The following LPAR3 variants were observed in gnomAD, a reference collection of about 807,000 sequenced individuals.
LPAR3 encodes LPA receptor 3.
In LPAR3, 7 loss-of-function variants were observed where a neutral mutation model predicts 17.8. The observed-to-expected ratio is 0.39, with a 90% CI of 0.22 to 0.74. The LOEUF (loss-of-function observed/expected upper bound fraction) is 0.74, where lower values mean the gene tolerates loss of function less well. LPAR3 is among the 30% of genes least tolerant of loss of function. LPAR3 has a pLI of 0.40. For missense variants in LPAR3, 391 were observed against 453.4 expected, an observed-to-expected ratio of 0.86 and a Z score of 1.25; for synonymous variants, 179 against 179.9, an observed-to-expected ratio of 0.99 and a Z score of 0.04.
chr1:84,836,799 A>G (rs1449536872), intron 2 of LPAR3, among the ~76,000 whole-genome samples: 2 of 152,212 alleles, frequency 1.3e-5, no homozygotes, highest in African/African-American at 4.8e-5. Flanking sequence ...ATTAGCAAAT[A>G]ATATAATGAA....
At chr1:84,839,231 C>T (rs1232355949) in intron 2 of LPAR3, among the ~76,000 whole-genome samples, 2 of 152,240 alleles carry the variant, frequency 1.3e-5, no homozygotes, top group East Asian at 1.9e-4. Flanking sequence ...CCCAGAACTC[C>T]CAGTGTTTAT....
intron 1 of LPAR3, among the ~76,000 whole-genome samples, chr1:84,891,147 AG>A (rs767893234): frequency 2.8e-5 from 4 of 143,552 alleles, no homozygotes; most frequent in Non-Finnish European, 3.0e-5. Context: ...TATCTAAAAT[AG>A]GTCTGATCTG....
At chr1:84,818,168 T>C (rs1658978209) in intron 2 of LPAR3, among the ~76,000 whole-genome samples, 2 of 152,220 alleles carry the variant, frequency 1.3e-5, no homozygotes, top group Non-Finnish European at 2.9e-5. Flanking sequence ...ATGGATTAAT[T>C]CATATACAAT....
intron 1 of LPAR3, among the ~76,000 whole-genome samples, chr1:84,873,459 C>A (rs1660195388): frequency 6.6e-6 from 1 of 152,160 alleles, no homozygotes; most frequent in Non-Finnish European, 1.5e-5. Flanking sequence ...AAGCCCCTGT[C>A]TTTCATAAGC....
intron 1 of LPAR3, among the ~76,000 whole-genome samples, chr1:84,873,034 A>C (rs1256035512): frequency 6.6e-6 from 1 of 152,166 alleles, no homozygotes; most frequent in Admixed American, 6.6e-5. Flanking sequence ...AACATTTCTG[A>C]CCAGTACTCC....
At chr1:84,867,731 C>A (rs1182391444) in intron 1 of LPAR3, among the ~76,000 whole-genome samples, 1 of 151,718 alleles carries the variant, frequency 6.6e-6, no homozygotes, top group African/African-American at 2.4e-5. Flanking sequence ...TTCATAATGA[C>A]AAAATAAAAA....
intron 2 of LPAR3, among the ~76,000 whole-genome samples, chr1:84,825,150 T>C (rs908904976): frequency 3.3e-5 from 5 of 152,170 alleles, no homozygotes; most frequent in Non-Finnish European, 7.3e-5. Flanking sequence ...TCTCATAGCT[T>C]CCTTTAGTCA....
chr1:84,814,173 T>C lies in LPAR3; in HGVS notation c.737-2A>G, dbSNP rs1261135806. The C allele has an allele frequency of 6.2e-7, 1 of 1,612,502 alleles. No homozygotes were observed. The highest frequency in any genetic ancestry group is 1.3e-5 in the African/African-American group (1 of 74,876). The stretch of plus-strand genomic sequence containing the variant: ...GGGTCCAGCATACCACAAACGCCCC[T>C]GCAAGGAGAGAAGAGGAGGCAACAG... On this transcript the variant is annotated splice_acceptor_variant, in intron 2 of 2. Transcript: ENST00000370611. LOFTEE classifies it high-confidence loss of function.
At position 84,818,526 on chromosome 1, in the gene LPAR3, C is replaced by A. The variant is rs184688222; in HGVS notation, c.737-4355G>T. ...GAGTGTGTGTGCGATGCACGCATGC[C>A]AGGGGGGTGTATTATATTATTCAAA... On this transcript the variant is annotated intron_variant, in intron 2 of 2. Coordinates refer to ENST00000370611, the MANE Select transcript of LPAR3 (RefSeq NM_012152.3). Among the ~76,000 whole-genome samples the A allele has an allele frequency of 5.6e-3, 852 of 152,034 alleles. 14 individuals are homozygous for A. The highest frequency in any genetic ancestry group is 0.02 in the African/African-American group (818 of 41,436).
chr1:84,858,075 C>T (rs1319529915), intron 2 of LPAR3, among the ~76,000 whole-genome samples: 2 of 152,272 alleles, frequency 1.3e-5, no homozygotes, highest in East Asian at 1.9e-4. Flanking sequence ...GCCTGGAACA[C>T]GCTGACCTCA....
At chr1:84,836,532 C>T (rs1025108749) in intron 2 of LPAR3, among the ~76,000 whole-genome samples, 1 of 152,098 alleles carries the variant, frequency 6.6e-6, no homozygotes, top group African/African-American at 2.4e-5. Context: ...CTGACATGTT[C>T]CTTTCTTCTC....
intron 2 of LPAR3, among the ~76,000 whole-genome samples, chr1:84,849,544 G>C (rs143901985): frequency 1.3e-5 from 2 of 152,158 alleles, no homozygotes; most frequent in African/African-American, 2.4e-5. Flanking sequence ...CACAGATAGA[G>C]AGCAGGAACA....
chr1:84,825,707 G>A (rs1053845505), intron 2 of LPAR3, among the ~76,000 whole-genome samples: 6 of 152,134 alleles, frequency 3.9e-5, no homozygotes, highest in Non-Finnish European at 8.8e-5. Context: ...ATGCACCTCT[G>A]TTTAAAAATG....
At chr1:84,857,928 C>T (rs535034605) in intron 2 of LPAR3, among the ~76,000 whole-genome samples, 8 of 152,262 alleles carry the variant, frequency 5.3e-5, no homozygotes, top group African/African-American at 1.9e-4. Flanking sequence ...ATGTATACCC[C>T]ACAATGAATA....
intron 2 of LPAR3, among the ~76,000 whole-genome samples, chr1:84,850,997 G>A (rs1332191251): frequency 6.6e-6 from 1 of 152,226 alleles, no homozygotes; most frequent in East Asian, 1.9e-4. Flanking sequence ...ACTGGGAGGA[G>A]GGTATGCCCT....
At chr1:84,884,118 C>G (rs1468261033) in intron 1 of LPAR3, among the ~76,000 whole-genome samples, 3 of 152,208 alleles carry the variant, frequency 2.0e-5, no homozygotes, top group African/African-American at 7.2e-5. Flanking sequence ...GCAACTTCCT[C>G]TTTTCCTTTG....
At chr1:84,825,189 G>C (rs1045935388) in intron 2 of LPAR3, among the ~76,000 whole-genome samples, 1 of 152,204 alleles carries the variant, frequency 6.6e-6, no homozygotes, top group South Asian at 2.1e-4. Context: ...AGGAACTGAG[G>C]AGAAAGACAA....
chr1:84,834,066 G>T (rs556422861), intron 2 of LPAR3, among the ~76,000 whole-genome samples: 1 of 152,278 alleles, frequency 6.6e-6, no homozygotes, highest in Admixed American at 6.5e-5. Flanking sequence ...AAAGACCTGC[G>T]TGGTAGAAGT....
At chr1:84,866,770 T>A (rs1476966991) in intron 1 of LPAR3, among the ~76,000 whole-genome samples, 1 of 152,180 alleles carries the variant, frequency 6.6e-6, no homozygotes, top group Non-Finnish European at 1.5e-5. Flanking sequence ...ATCTTTTGGT[T>A]TCAACAAACA....
Sources: gnomAD v4.1 joint callset for allele counts (sites outside exome capture counted in the v4.1 genomes callset) on GRCh38, gnomAD v4.1.1 for gene constraint, MANE v1.5 for transcripts, NCBI Gene and HGNC (gene_info 2026-07-23, HGNC 2026-07-21) for gene names.